ADAMTSL1: variants seen among roughly 807,000 people sequenced by gnomAD.
ADAMTSL1 encodes the protein ADAMTS-like protein 1.
A neutral mutation model predicts 201.8 loss-of-function variants in ADAMTSL1; 126 were observed. The observed-to-expected ratio is 0.62, with a 90% CI of 0.54 to 0.72. The LOEUF is 0.72. ADAMTSL1 is among the 30% of genes least tolerant of loss of function. The pLI, the probability that ADAMTSL1 is intolerant of heterozygous loss-of-function variation, is 0.00. For missense variants in ADAMTSL1, 2,679 were observed against 2,277.8 expected, an observed-to-expected ratio of 1.18 and a Z score of -3.59; for synonymous variants, 1,121 against 903.4, an observed-to-expected ratio of 1.24 and a Z score of -4.32.
intron 1 of ADAMTSL1, among the ~76,000 whole-genome samples, chr9:18,059,323 T>G (rs1200691378): frequency 6.6e-6 from 1 of 152,218 alleles, no homozygotes; most frequent in Non-Finnish European, 1.5e-5. Flanking sequence ...GCTTGGTGTT[T>G]GTAGAATTAA....
chr9:18,295,794 A>G (rs1273425957), intron 2 of ADAMTSL1, among the ~76,000 whole-genome samples: 1 of 152,196 alleles, frequency 6.6e-6, no homozygotes, highest in African/African-American at 2.4e-5. Flanking sequence ...CTTGCATTAG[A>G]TAAAATCTGT....
chr9:18,617,863 G>A (rs1825799462), intron 4 of ADAMTSL1, among the ~76,000 whole-genome samples: 1 of 152,168 alleles, frequency 6.6e-6, no homozygotes, highest in Admixed American at 6.5e-5. Context: ...TTCTGGATGA[G>A]GATGAGGTCA....
At chr9:18,202,860 T>C (rs368514249) in intron 2 of ADAMTSL1, among the ~76,000 whole-genome samples, 20 of 152,122 alleles carry the variant, frequency 1.3e-4, no homozygotes, top group East Asian at 5.8e-4. Context: ...ATAAGAGAAA[T>C]AAACAGATTG....
At chr9:18,221,056 T>G (rs1262626023) in intron 2 of ADAMTSL1, among the ~76,000 whole-genome samples, 1 of 152,150 alleles carries the variant, frequency 6.6e-6, no homozygotes, top group Non-Finnish European at 1.5e-5. Flanking sequence ...ATTACAGACA[T>G]GAGTCGCCAT....
intron 2 of ADAMTSL1, among the ~76,000 whole-genome samples, chr9:18,369,622 A>G (rs1347088228): frequency 2.0e-5 from 3 of 152,188 alleles, no homozygotes; most frequent in Non-Finnish European, 4.4e-5. Flanking sequence ...CTATCCTACT[A>G]CTGTGTATCT....
rs540827060 is a variant in ADAMTSL1 at position 18,717,158 on chromosome 9, C to T, written c.1877-4378C>T. On this transcript the variant is annotated intron_variant, in intron 14 of 28. Transcript: ENST00000380548. ...CCAGATGACAAGTTAGTGGGTACAGCGCACCAGCATGGCACATGTATACCT... is the reference window on the plus strand; with the variant it reads ...CCAGATGACAAGTTAGTGGGTACAGTGCACCAGCATGGCACATGTATACCT... 3.6e-3 allele frequency among the ~76,000 whole-genome samples: 534 copies of T among 150,334 alleles called. 5 individuals carry two copies. The highest frequency in any genetic ancestry group is 1.7e-3 in the African/African-American group (71 of 40,958).
chr9:18,807,648 A>C (rs1449311652), intron 20 of ADAMTSL1, among the ~76,000 whole-genome samples: 4 of 121,748 alleles, frequency 3.3e-5, no homozygotes, highest in African/African-American at 1.1e-4. Context: ...TCTGTCTCAA[A>C]AAAAAAAAAA....
rs754757395 is a variant in ADAMTSL1 at position 18,775,807 on chromosome 9, C to T, written c.2462C>T (p.Thr821Ile). The change falls in exon 18 of 29, where the codon ACC (threonine) becomes ATC (isoleucine). Residue 821 changes from threonine to isoleucine, a missense_variant. Coordinates refer to ENST00000380548, the MANE Select transcript of ADAMTSL1 (RefSeq NM_001040272.6). The part of the protein sequence containing the change: ...RSAICRKMLK[T>I]GLSTVVNSTL... ...GCCATTTGCCGAAAGATGCTGAAAACCGGCCTCTCAACGGTTGTCAATTCC... is the reference window on the plus strand; with the variant it reads ...GCCATTTGCCGAAAGATGCTGAAAATCGGCCTCTCAACGGTTGTCAATTCC... 48 of 1,611,668 alleles carry T rather than the reference C, an allele frequency of 3.0e-5. No individual in the cohort carries two copies. In the East Asian group the frequency reaches 1.1e-3, roughly 36 times the overall value.
At chr9:18,097,850 C>G (rs1245454728) in intron 1 of ADAMTSL1, among the ~76,000 whole-genome samples, 4 of 150,856 alleles carry the variant, frequency 2.7e-5, no homozygotes, top group African/African-American at 9.7e-5. Context: ...ACTTTTTTCT[C>G]TTTTATGGTT....
chr9:17,990,651 C>G (rs762646239), intron 1 of ADAMTSL1, among the ~76,000 whole-genome samples: 73 of 152,100 alleles, frequency 4.8e-4, no homozygotes, highest in Middle Eastern at 3.4e-3. Context: ...CTGTTTTTAA[C>G]AACAGTAAAA....
chr9:18,091,747 A>G (rs898992559), intron 1 of ADAMTSL1, among the ~76,000 whole-genome samples: 1 of 152,168 alleles, frequency 6.6e-6, no homozygotes, highest in Non-Finnish European at 1.5e-5. Flanking sequence ...ACAGTGTGCT[A>G]TTAAAAAGTA....
At chr9:18,147,923 G>A (rs1363886268) in intron 1 of ADAMTSL1, among the ~76,000 whole-genome samples, 5 of 152,002 alleles carry the variant, frequency 3.3e-5, no homozygotes, top group Non-Finnish European at 7.4e-5. Context: ...CTTCTCTTTG[G>A]CATTTTAGGA....
At chr9:18,137,602 A>AT (rs1826215497) in intron 1 of ADAMTSL1, among the ~76,000 whole-genome samples, 2 of 152,180 alleles carry the variant, frequency 1.3e-5, no homozygotes, top group Non-Finnish European at 2.9e-5. Flanking sequence ...CAATAGACGA[A>AT]TTTTTCCACT....
chr9:18,348,075 G>C (rs139041725), intron 2 of ADAMTSL1, among the ~76,000 whole-genome samples: 8 of 152,266 alleles, frequency 5.3e-5, no homozygotes, highest in African/African-American at 1.9e-4. Context: ...AAATAGACCC[G>C]AATTAGTTTA....
At chr9:18,657,122 A>G (rs1342376461) in intron 7 of ADAMTSL1, among the ~76,000 whole-genome samples, 1 of 152,186 alleles carries the variant, frequency 6.6e-6, no homozygotes, top group Non-Finnish European at 1.5e-5. Context: ...GCAAGCATCT[A>G]GTTGGTAACT....
At chr9:18,875,350 C>G (rs1828085773) in intron 23 of ADAMTSL1, among the ~76,000 whole-genome samples, 1 of 151,982 alleles carries the variant, frequency 6.6e-6, no homozygotes, top group Non-Finnish European at 1.5e-5. Context: ...CTTAGATTGT[C>G]TATTTGTGCT....
chr9:18,287,681 A>G (rs1389490761), intron 2 of ADAMTSL1, among the ~76,000 whole-genome samples: 2 of 151,432 alleles, frequency 1.3e-5, no homozygotes, highest in African/African-American at 4.9e-5. Context: ...GTATACATAC[A>G]TAAATATATT....
Position 18,684,625 on chromosome 9 carries a change from T to C in ADAMTSL1, c.1490-91T>C, listed in dbSNP as rs1830712187. On this transcript the variant is annotated intron_variant, in intron 12 of 28. Coordinates refer to ENST00000380548, the MANE Select transcript of ADAMTSL1 (RefSeq NM_001040272.6). ...AACTTATTCGTGTTGGTCAACGTAG[T>C]AACTTCTTGGTGAGGAGAATAAGGA... 2.1e-6 allele frequency: 3 copies of C among 1,418,796 alleles called. No homozygotes were observed. The Admixed American group carries it at 7.2e-5, about 34-fold the overall frequency. The allele number at this position is 1,418,796 out of a possible 1,614,324, so 87.9% of individuals were successfully genotyped here.
rs187089754 is a variant in ADAMTSL1, at chr9:18,640,898, A to G, written c.834+1487A>G. Among the ~76,000 whole-genome samples the G allele has an allele frequency of 1.7e-4, 26 of 152,102 alleles. No individual in the cohort carries two copies. In the East Asian group the frequency reaches 2.5e-3, roughly 15 times the overall value. On this transcript the variant is annotated intron_variant, in intron 7 of 28. Coordinates refer to ENST00000380548, the MANE Select transcript of ADAMTSL1 (RefSeq NM_001040272.6). ...AGCCTCTGATTTCATTGCCTATGTT[A>G]CCTTCAGAGTGCGTTTCCTAAAATC...
Sources: allele counts gnomAD v4.1 joint callset (sites outside exome capture counted in the v4.1 genomes callset), GRCh38; gene constraint gnomAD v4.1.1; transcripts MANE v1.5; gene names NCBI Gene and HGNC (gene_info 2026-07-23, HGNC 2026-07-21).